GREB1L: variants seen among roughly 807,000 people sequenced by gnomAD.
The protein encoded by GREB1L is GREB1-like protein.
A neutral mutation model predicts 200.8 loss-of-function variants in GREB1L; 17 were observed. That is an observed-to-expected ratio of 0.08 (90% confidence interval 0.06 to 0.13). The LOEUF (loss-of-function observed/expected upper bound fraction) is 0.13. GREB1L is among the 10% of genes least tolerant of loss of function. The pLI is 1.00. For synonymous variants in GREB1L, 789 were observed against 893.0 expected (o/e 0.88, Z 2.08); for missense variants, 1,657 against 2,367.7 (o/e 0.70, Z 6.23).
chr18:21,452,443 A>G, intron 14 of GREB1L: 1 of 492,168 alleles, frequency 2.0e-6, no homozygotes, highest in East Asian at 3.4e-5. Flanking sequence ...ATCAAAGTCA[A>G]AGACTTTATC....
rs2036988560 is a variant in GREB1L at position 21,505,806 on chromosome 18, A to G, written c.4229-4A>G. On this transcript the variant is annotated splice_polypyrimidine_tract_variant and splice_region_variant and intron_variant, in intron 24 of 32. Transcript: ENST00000424526. Reference sequence around the variant, plus strand: ...GGGATGGCTTTTTGCCCCTTTATACACAGAAGTGATAAAGGAATCCAAAGT... The same window carrying G: ...GGGATGGCTTTTTGCCCCTTTATACGCAGAAGTGATAAAGGAATCCAAAGT... 6.4e-6 allele frequency: 10 copies of G among 1,550,996 alleles called. No homozygotes were observed. The highest frequency in any genetic ancestry group is 2.0e-5 in the Admixed American group (1 of 50,926).
At chr18:21,342,731 G>A (rs2039287299) in intron 1 of GREB1L, among the ~76,000 whole-genome samples, 1 of 152,034 alleles carries the variant, frequency 6.6e-6, no homozygotes, top group Non-Finnish European at 1.5e-5. Flanking sequence ...GTAGCCACAG[G>A]GATTTCATTT....
rs1271144621 is a variant in GREB1L at position 21,440,233 on chromosome 18, ACTAT to A, written c.950-33_950-30del. The A allele has an allele frequency of 2.6e-6, 4 of 1,550,084 alleles. No individual in the cohort carries two copies. In the South Asian group the frequency reaches 3.6e-5, roughly 14 times the overall value. On this transcript the variant is annotated intron_variant, in intron 8 of 32. Transcript: ENST00000424526. Reference sequence around the variant, plus strand: ...TTTCTTCCACATGGCTGAGAACAAGACTATCTCTTTTTTTTGTTTTTTTGTTTGT... The same window carrying A: ...TTTCTTCCACATGGCTGAGAACAAGACTCTTTTTTTTGTTTTTTTGTTTGT...
intron 1 of GREB1L, among the ~76,000 whole-genome samples, chr18:21,318,974 T>C (rs1301158372): frequency 1.3e-5 from 2 of 152,212 alleles, no homozygotes; most frequent in Non-Finnish European, 2.9e-5. Flanking sequence ...GAGAGGTCTA[T>C]GGGGAGCTGC....
At chr18:21,329,824 A>G (rs1188484802) in intron 1 of GREB1L, among the ~76,000 whole-genome samples, 2 of 152,012 alleles carry the variant, frequency 1.3e-5, no homozygotes, top group African/African-American at 4.8e-5. Flanking sequence ...TGCTGCATGC[A>G]TTTCCCATCT....
intron 7 of GREB1L, among the ~76,000 whole-genome samples, chr18:21,434,232 T>C (rs530290475): frequency 6.6e-6 from 1 of 152,150 alleles, no homozygotes; most frequent in Non-Finnish European, 1.5e-5. Flanking sequence ...CCCAGCACTT[T>C]GGGAGGCCAA....
chr18:21,363,487 A>G (rs954462249), intron 1 of GREB1L: 2 of 151,834 alleles, frequency 1.3e-5, no homozygotes, highest in Non-Finnish European at 2.9e-5. Flanking sequence ...GAAGAGGTTT[A>G]TGGTCCAATG....
chr18:21,496,578 G>T lies in GREB1L; in HGVS notation c.3271G>T (p.Ala1091Ser), dbSNP rs1305046572. The T allele has an allele frequency of 6.4e-6, 10 of 1,551,598 alleles. No homozygotes were observed. Among genetic ancestry groups the T allele is most frequent in the Admixed American group, 2.0e-5 (1 of 50,986 alleles). Reference protein sequence around the residue: ...SKEVIRGPTVALDLSGKEQER... With the variant: ...SKEVIRGPTVSLDLSGKEQER... ...AGAGGTCATCCGGGGACCCACTGTT[G>T]CCCTGGACCTCAGCGGGAAGGAGCA... is the stretch of plus-strand genomic sequence containing the variant. Residue 1091 changes from alanine (A) to serine (S), a missense_variant, in exon 21 of 33, where the codon GCC (alanine) becomes TCC (serine). Physicochemically the swap from Ala to Ser is moderately conservative, Grantham distance 99 (BLOSUM62 1). Transcript: ENST00000424526.
intron 1 of GREB1L, among the ~76,000 whole-genome samples, chr18:21,326,598 G>C (rs1330586554): frequency 6.6e-6 from 1 of 152,124 alleles, no homozygotes; most frequent in Non-Finnish European, 1.5e-5. Context: ...AATAAACCAA[G>C]TTGCTTTTCA....
chr18:21,325,557 G>A (rs370542072), intron 1 of GREB1L, among the ~76,000 whole-genome samples: 6 of 152,042 alleles, frequency 3.9e-5, no homozygotes, highest in Non-Finnish European at 7.4e-5. Context: ...GCTCACATAC[G>A]TAATCCCAGC....
At chr18:21,475,493 G>C (rs1191795694) in intron 16 of GREB1L, among the ~76,000 whole-genome samples, 1 of 152,022 alleles carries the variant, frequency 6.6e-6, no homozygotes, top group Non-Finnish European at 1.5e-5. Context: ...TGAGTAGCTG[G>C]GATTACAGAC....
intron 1 of GREB1L, among the ~76,000 whole-genome samples, chr18:21,347,374 C>T (rs1334663767): frequency 6.6e-6 from 1 of 152,130 alleles, no homozygotes; most frequent in Non-Finnish European, 1.5e-5. Context: ...TCAGCTTTCA[C>T]CACACTGTTC....
chr18:21,502,078 C>G (rs1331314294), intron 23 of GREB1L, among the ~76,000 whole-genome samples: 4 of 152,102 alleles, frequency 2.6e-5, no homozygotes, highest in African/African-American at 7.2e-5. Flanking sequence ...ATGGTGAAAC[C>G]CTGTCTCTAC....
intron 1 of GREB1L, among the ~76,000 whole-genome samples, chr18:21,303,531 G>C (rs1360510887): frequency 6.6e-6 from 1 of 152,142 alleles, no homozygotes; most frequent in Non-Finnish European, 1.5e-5. Context: ...GCTGTTAATG[G>C]TTTTCACTCT....
chr18:21,435,444 A>C (rs2033473053), intron 7 of GREB1L, among the ~76,000 whole-genome samples: 1 of 152,222 alleles, frequency 6.6e-6, no homozygotes, highest in African/African-American at 2.4e-5. Flanking sequence ...AGATATTTTC[A>C]GTGTACTGTA....
chr18:21,505,792 T>C lies in GREB1L; in HGVS notation c.4229-18T>C, dbSNP rs762284283. ...ACATGTTATCTCATGGGATGGCTTT[T>C]TGCCCCTTTATACACAGAAGTGATA... On this transcript the variant is annotated intron_variant, in intron 24 of 32. Transcript: ENST00000424526. The C allele has an allele frequency of 1.9e-6, 3 of 1,546,758 alleles. No individual in the cohort carries two copies. In the South Asian group the frequency reaches 3.6e-5, roughly 19 times the overall value.
chr18:21,272,880 A>G (rs1468472740), intron 1 of GREB1L, among the ~76,000 whole-genome samples: 3 of 152,250 alleles, frequency 2.0e-5, no homozygotes, highest in Non-Finnish European at 2.9e-5. Flanking sequence ...AAAGAGAAAA[A>G]GCTAGTTTTA....
At chr18:21,315,858 C>G (rs374341249) in intron 1 of GREB1L, among the ~76,000 whole-genome samples, 3 of 152,072 alleles carry the variant, frequency 2.0e-5, no homozygotes, top group Non-Finnish European at 4.4e-5. Context: ...CAGCCTGCTC[C>G]GCCTCCCAGC....
At chr18:21,462,231 A>G (rs1276813602) in intron 15 of GREB1L, among the ~76,000 whole-genome samples, 1 of 152,252 alleles carries the variant, frequency 6.6e-6, no homozygotes, top group African/African-American at 2.4e-5. Context: ...CAATTTGCTT[A>G]TGATTCATTT....
Sources: allele counts gnomAD v4.1 joint callset (sites outside exome capture counted in the v4.1 genomes callset), GRCh38; gene constraint gnomAD v4.1.1; transcripts MANE v1.5; gene names NCBI Gene and HGNC (gene_info 2026-07-23, HGNC 2026-07-21).